Variants in ANKRD13A observed in about 807,000 individuals in gnomAD.
ANKRD13A encodes the protein ankyrin repeat domain-containing protein 13A.
A neutral mutation model predicts 81.3 loss-of-function variants in ANKRD13A; 48 were observed. That is an observed-to-expected ratio of 0.59 (90% confidence interval 0.47 to 0.75). The LOEUF is 0.75. Among genes scored for constraint, ANKRD13A ranks in the 30% least tolerant of loss-of-function variants. ANKRD13A has a pLI of 0.00. For missense variants in ANKRD13A, 612 were observed against 734.0 expected, an observed-to-expected ratio of 0.83 and a Z score of 1.92; for synonymous variants, 230 against 270.1, an observed-to-expected ratio of 0.85 and a Z score of 1.45.
chr12:110,022,406 A>C (rs1347429303), intron 6 of ANKRD13A: 2 of 150,434 alleles, frequency 1.3e-5, no homozygotes, highest in Admixed American at 1.3e-4. Context: ...CTGAGATTGC[A>C]CCACTGCACT....
intron 3 of ANKRD13A, among the ~76,000 whole-genome samples, chr12:110,014,083 A>G (rs1351803572): frequency 6.6e-6 from 1 of 152,142 alleles, no homozygotes; most frequent in Admixed American, 6.5e-5. Flanking sequence ...GAGAAAAATT[A>G]ATAGCTCTAT....
Position 110,001,241 on chromosome 12 carries a change from A to C in ANKRD13A, c.96+1457A>C, listed in dbSNP as rs112438783. On this transcript the variant is annotated intron_variant, in intron 1 of 14. Transcript: ENST00000261739. ...ACAGACCTGGTTTTTGAATGGCTCA[A>C]AATTGGTGCTATAATTGTCAAGAAA... 2.6e-3 allele frequency among the ~76,000 whole-genome samples: 389 copies of C among 151,610 alleles called. 2 individuals carry two copies. Among genetic ancestry groups the C allele is most frequent in the Non-Finnish European group, 4.6e-3 (312 of 67,894 alleles).
chr12:110,012,242 G>A, intron 2 of ANKRD13A, 105 bp downstream of exon 2: 2 of 1,317,856 alleles, frequency 1.5e-6, no homozygotes, highest in African/African-American at 1.5e-5. Flanking sequence ...GTGCATGTCT[G>A]TAGTACCAGC....
chr12:110,018,487 A>G lies in ANKRD13A; in HGVS notation c.543A>G (p.Glu181=), dbSNP rs954767184. 1 of 1,613,650 alleles carries G rather than the reference A, an allele frequency of 6.2e-7. No homozygotes were observed. The highest frequency in any genetic ancestry group is 8.5e-7 in the Non-Finnish European group (1 of 1,179,742). The change falls in exon 5 of 15, where the codon GAA becomes GAG. Residue 181 remains glutamate, a splice_region_variant and synonymous_variant. Coordinates refer to ENST00000261739, the MANE Select transcript of ANKRD13A (RefSeq NM_033121.2). This position sits in a 1 kb window ranked among gnomAD's most constrained non-coding sequence, Gnocchi z 4.4. ...RGRRSFIFKG[E]DNWAELMEVN... ...GGCGTAGTTTTATATTTAAGGGAGA[A>G]GGTGAGTGACTTCTCTTGTAGTAAT...
chr12:110,037,982 G>A lies in ANKRD13A; in HGVS notation c.*428G>A, dbSNP rs1447945159. 2 of 157,208 alleles carry A rather than the reference G, an allele frequency of 1.3e-5. No homozygotes were observed. Among genetic ancestry groups the A allele is most frequent in the African/African-American group, 4.8e-5 (2 of 41,508 alleles). 9.7% of individuals were successfully genotyped at this position (157,208 alleles called of 1,614,324 possible). A position where few individuals can be genotyped will look rare whatever the true frequency, so the allele number is the denominator to read the frequency against. ...CGCCTTTGTAAAGTGTGATCTATGA[G>A]AATTGGAGACACTTCTTTACTGTTC... On this transcript the variant is annotated 3_prime_UTR_variant, in exon 15 of 15. Transcript: ENST00000261739.
chr12:110,029,174 C>A, intron 10 of ANKRD13A: 1 of 250,242 alleles, frequency 4.0e-6, no homozygotes, highest in Non-Finnish European at 7.6e-6. Context: ...TTATTGCTAA[C>A]CAGCTTCAGC....
chr12:110,029,392 C>CTGT lies in ANKRD13A; in HGVS notation c.1077-82_1077-80dup, dbSNP rs1891546344. 7 of 1,432,574 alleles carry CTGT rather than the reference C, an allele frequency of 4.9e-6. No homozygotes were observed. In the East Asian group the frequency reaches 1.6e-4, roughly 33 times the overall value. 88.7% of individuals were successfully genotyped at this position (1,432,574 alleles called of 1,614,324 possible). On this transcript the variant is annotated intron_variant, in intron 10 of 14. Coordinates refer to ENST00000261739, the MANE Select transcript of ANKRD13A (RefSeq NM_033121.2). ...CTGGGCAGAGTGTGGAGTAAAGCTGCTGTTGTCTAGCCTACTGCATAGCAA... is the reference window on the plus strand; with the variant it reads ...CTGGGCAGAGTGTGGAGTAAAGCTGCTGTTGTTGTCTAGCCTACTGCATAGCAA...
intron 1 of ANKRD13A, among the ~76,000 whole-genome samples, chr12:110,010,288 T>A (rs1243060901): frequency 1.3e-5 from 2 of 152,236 alleles, no homozygotes; most frequent in African/African-American, 4.8e-5. Flanking sequence ...GCAGGTAGTA[T>A]GCTAAACCTA....
intron 9 of ANKRD13A, 56 bp downstream of exon 9, chr12:110,027,822 GTGTC>G: frequency 1.0e-5 from 16 of 1,578,272 alleles, no homozygotes; most frequent in Non-Finnish European, 1.3e-5. Flanking sequence ...CAACTTGTCT[GTGTC>G]TGGGATGGCA....
At chr12:110,014,125 ACAGT>A (rs746190703) in intron 3 of ANKRD13A, among the ~76,000 whole-genome samples, 37 of 152,190 alleles carry the variant, frequency 2.4e-4, no homozygotes, top group Admixed American at 6.5e-4. Context: ...TATAAATAAG[ACAGT>A]CAGCTGGGTG....
chr12:110,028,653 T>G lies in ANKRD13A; in HGVS notation c.1076+11T>G, dbSNP rs1334829851. Reference sequence around the variant, plus strand: ...GATTAGAACACAGAAGTAAGAGAGGTTCAGCTGCCATTTTCAACCTATGTA... The same window carrying G: ...GATTAGAACACAGAAGTAAGAGAGGGTCAGCTGCCATTTTCAACCTATGTA... On this transcript the variant is annotated intron_variant, in intron 10 of 14. Transcript: ENST00000261739. The G allele has an allele frequency of 2.5e-6, 4 of 1,613,976 alleles. No individual in the cohort carries two copies. The African/African-American group carries it at 5.3e-5, about 22-fold the overall frequency.
intron 14 of ANKRD13A, 140 bp from the exon 15 acceptor site, chr12:110,037,219 T>G: frequency 1.2e-6 from 1 of 852,834 alleles, no homozygotes; most frequent in Non-Finnish European, 1.8e-6. Context: ...ACACCGCCAG[T>G]TATGTGGGAT....
At chr12:110,007,716 G>T (rs551489679) in intron 1 of ANKRD13A, among the ~76,000 whole-genome samples, 4 of 152,114 alleles carry the variant, frequency 2.6e-5, no homozygotes, top group Non-Finnish European at 5.9e-5. Context: ...ATGTTTTATG[G>T]TTTAAGAGTA....
intron 14 of ANKRD13A, among the ~76,000 whole-genome samples, chr12:110,037,056 G>A (rs543220821): frequency 5.9e-5 from 9 of 152,292 alleles, no homozygotes; most frequent in Admixed American, 5.9e-4. Context: ...TTCATTTTAC[G>A]AAGACTTATA....
chr12:110,036,333 TTGAC>T lies in ANKRD13A; in HGVS notation c.1577+10_1577+13del, dbSNP rs1430689021. 6.2e-7 allele frequency: 1 copy of T among 1,613,662 alleles called. No individual in the cohort carries two copies. The highest frequency in any genetic ancestry group is 8.5e-7 in the Non-Finnish European group (1 of 1,179,728). On this transcript the variant is annotated splice_donor_region_variant and intron_variant, in intron 14 of 14. Coordinates refer to ENST00000261739, the MANE Select transcript of ANKRD13A (RefSeq NM_033121.2). The surrounding 1 kb of genome is among the most constrained non-coding windows in gnomAD (Gnocchi z 4.6). ...CTATGACGCCCAGTATGAGAGGTGA[TTGAC>T]TGACGTGACTCTGGAATAAACCAGG...
rs1398496803 is a variant in ANKRD13A, at chr12:110,033,942, G to T, written c.1494G>T (p.Glu498Asp). 6.2e-7 allele frequency: 1 copy of T among 1,610,794 alleles called. No individual in the cohort carries two copies. The highest frequency in any genetic ancestry group is 2.2e-5 in the East Asian group (1 of 44,704). The change falls in exon 13 of 15, where the codon GAG becomes GAT. Residue 498 changes from glutamate (E) to aspartate (D), a missense_variant. Coordinates refer to ENST00000261739, the MANE Select transcript of ANKRD13A (RefSeq NM_033121.2). ...TTGCCATCCAGCAAAGTCTGCTGGA[G>T]TCCAGCAGGAGCCAGGTGTGTTTAT... is the stretch of plus-strand genomic sequence containing the variant. ...MQFAIQQSLL[E>D]SSRSQELSGP...
rs778502476 is a variant in ANKRD13A at position 110,030,716 on chromosome 12, G to A, written c.1306G>A (p.Glu436Lys). Residue 436 changes from glutamate to lysine, a missense_variant, in exon 12 of 15, where the codon GAA becomes AAA. Physicochemically the swap from Glu to Lys is moderately conservative, Grantham distance 56. Transcript: ENST00000261739. ...TGTTAATGGCTGTAGCACTGCCGAA[G>A]AATCTGTATCTCAAAATGTGGAAGG... ...GNVNGCSTAEESVSQNVEGTQ... is the reference protein window; with the variant it reads ...GNVNGCSTAEKSVSQNVEGTQ... 4 of 1,609,744 alleles carry A rather than the reference G, an allele frequency of 2.5e-6. No individual in the cohort carries two copies. Among genetic ancestry groups the A allele is most frequent in the South Asian group, 1.1e-5 (1 of 90,242 alleles).
At chr12:110,003,176 C>T (rs1890068050) in intron 1 of ANKRD13A, among the ~76,000 whole-genome samples, 1 of 152,164 alleles carries the variant, frequency 6.6e-6, no homozygotes, top group African/African-American at 2.4e-5. Flanking sequence ...GTACCTTAGA[C>T]AGGGTTGGAA....
chr12:110,010,276 T>C (rs1890451594), intron 1 of ANKRD13A, among the ~76,000 whole-genome samples: 1 of 152,222 alleles, frequency 6.6e-6, no homozygotes, highest in South Asian at 2.1e-4. Context: ...ACCTCCCCTG[T>C]GGCAGGTAGT....
Sources: gnomAD v4.1 joint callset for allele counts (sites outside exome capture counted in the v4.1 genomes callset) on GRCh38, gnomAD v4.1.1 for gene constraint, Gnocchi (gnomAD v3.1) non-coding constraint, MANE v1.5 for transcripts, NCBI Gene and HGNC (gene_info 2026-07-23, HGNC 2026-07-21) for gene names.